RAP1A: variants seen among roughly 807,000 people sequenced by gnomAD.
The protein encoded by RAP1A is RAP1A, member of RAS oncogene family.
A neutral mutation model predicts 26.4 loss-of-function variants in RAP1A; 6 were observed. That is an observed-to-expected ratio of 0.23 (90% CI 0.12 to 0.45). The LOEUF (loss-of-function observed/expected upper bound fraction) is 0.45, where lower values mean the gene tolerates loss of function less well. Ranked by LOEUF, RAP1A falls within the 20% of genes least tolerant of loss-of-function variation. The pLI is 0.99. For synonymous variants in RAP1A, 73 were observed against 79.4 expected, an observed-to-expected ratio of 0.92 and a Z score of 0.43; for missense variants, 121 against 217.2, an observed-to-expected ratio of 0.56 and a Z score of 2.78.
At chr1:111,664,452 G>C (rs1350675150) in intron 1 of RAP1A, among the ~76,000 whole-genome samples, 1 of 148,268 alleles carries the variant, frequency 6.7e-6, no homozygotes, top group Non-Finnish European at 1.5e-5. Context: ...CCCTTTCACA[G>C]TAAATGCTCA....
chr1:111,629,809 T>C (rs1659514917), intron 1 of RAP1A, among the ~76,000 whole-genome samples: 1 of 152,214 alleles, frequency 6.6e-6, no homozygotes, highest in Admixed American at 6.5e-5. Flanking sequence ...AAATTTCATT[T>C]GCTAAAGGGA....
rs112396947 is a variant in RAP1A at position 111,619,794 on chromosome 1, C to A, written c.-168C>A. 47 of 398,094 alleles carry A rather than the reference C, an allele frequency of 1.2e-4. No individual in the cohort carries two copies. Among genetic ancestry groups the A allele is most frequent in the African/African-American group, 8.6e-4 (42 of 48,560 alleles). The allele number at this position is 398,094 out of a possible 1,614,324, so 24.7% of individuals were successfully genotyped here. On this transcript the variant is annotated 5_prime_UTR_variant, in exon 1 of 8. Transcript: ENST00000369709. ...CGCGTTCTGGAGGAGGCGCCGCCGC[C>A]GCTCCCGAGGCCCCTGCCGCCGCCG...
chr1:111,585,461 A>G (rs1247018299), intron 1 of RAP1A, among the ~76,000 whole-genome samples: 1 of 151,246 alleles, frequency 6.6e-6, no homozygotes, highest in Non-Finnish European at 1.5e-5. Flanking sequence ...GTAGATATTA[A>G]AGCTCTTTAT....
intron 1 of RAP1A, among the ~76,000 whole-genome samples, chr1:111,651,447 T>C (rs1030452085): frequency 1.3e-5 from 2 of 150,860 alleles, no homozygotes; most frequent in African/African-American, 4.8e-5. Context: ...TTATATTGCA[T>C]AATGCCTATG....
At chr1:111,676,864 A>T (rs904481960) in intron 1 of RAP1A, among the ~76,000 whole-genome samples, 2 of 150,918 alleles carry the variant, frequency 1.3e-5, no homozygotes, top group African/African-American at 4.9e-5. Context: ...TACAATCTCA[A>T]CTCACTGTAC....
chr1:111,689,507 A>G (rs1400936476), intron 1 of RAP1A, among the ~76,000 whole-genome samples: 1 of 137,734 alleles, frequency 7.3e-6, no homozygotes, highest in Non-Finnish European at 1.5e-5. Context: ...GTTTTTGAAT[A>G]CTGTAAGTTC....
At chr1:111,553,052 T>C (rs927488555) in intron 1 of RAP1A, among the ~76,000 whole-genome samples, 3 of 152,250 alleles carry the variant, frequency 2.0e-5, no homozygotes, top group Admixed American at 6.5e-5. Flanking sequence ...AAACACTTCA[T>C]ATTCAGATTG....
intron 1 of RAP1A, among the ~76,000 whole-genome samples, chr1:111,653,408 G>T (rs1294808359): frequency 6.6e-6 from 1 of 152,110 alleles, no homozygotes; most frequent in Non-Finnish European, 1.5e-5. Flanking sequence ...TGGGCCAGGC[G>T]CGGTGGCTCA....
chr1:111,675,930 A>C (rs1270869423), intron 1 of RAP1A, among the ~76,000 whole-genome samples: 4 of 152,206 alleles, frequency 2.6e-5, no homozygotes, highest in Non-Finnish European at 5.9e-5. Flanking sequence ...AATGAGAATC[A>C]AGTGAAACAG....
chr1:111,702,922 G>A (rs1168979466), intron 4 of RAP1A, among the ~76,000 whole-genome samples: 1 of 152,148 alleles, frequency 6.6e-6, no homozygotes, highest in African/African-American at 2.4e-5. Flanking sequence ...GCTATGCCAT[G>A]GGAATAGAAA....
intron 4 of RAP1A, among the ~76,000 whole-genome samples, chr1:111,700,953 A>T (rs192569036): frequency 6.2e-4 from 94 of 152,294 alleles, no homozygotes; most frequent in African/African-American, 2.2e-3. Context: ...GTCATCTCTC[A>T]GCTGGATTAT....
intron 1 of RAP1A, among the ~76,000 whole-genome samples, chr1:111,631,256 C>G (rs549200807): frequency 6.6e-6 from 1 of 152,152 alleles, no homozygotes; most frequent in Non-Finnish European, 1.5e-5. Context: ...TTTTGATTAG[C>G]TTTTACTTAT....
chr1:111,607,850 G>T, intron 1 of RAP1A, among the ~76,000 whole-genome samples: 1 of 118,740 alleles, frequency 8.4e-6, no homozygotes, highest in Non-Finnish European at 1.8e-5. Flanking sequence ...GGACGGGGCG[G>T]CTGGCCGGGC....
chr1:111,578,811 AG>A (rs1658194104), intron 1 of RAP1A, among the ~76,000 whole-genome samples: 2 of 152,278 alleles, frequency 1.3e-5, no homozygotes, highest in South Asian at 4.1e-4. Flanking sequence ...CTCACTTCAG[AG>A]GCCAATTGCA....
chr1:111,613,114 A>C (rs1002323682), intron 1 of RAP1A, among the ~76,000 whole-genome samples: 9 of 151,326 alleles, frequency 5.9e-5, no homozygotes, highest in African/African-American at 2.2e-4. Flanking sequence ...ACATCATAAG[A>C]TCAGTGGTAG....
intron 1 of RAP1A, among the ~76,000 whole-genome samples, chr1:111,551,367 G>A (rs7553961): frequency 0.085 from 12,854 of 152,090 alleles, 753 homozygotes; most frequent in Middle Eastern, 0.15. Flanking sequence ...TTTCTAGGGG[G>A]CCACTTTAAT....
At chr1:111,564,596 T>G (rs1311570196) in intron 1 of RAP1A, among the ~76,000 whole-genome samples, 1 of 145,542 alleles carries the variant, frequency 6.9e-6, no homozygotes, top group African/African-American at 2.6e-5. Context: ...CACTGCAAGC[T>G]CCACCTCCCG....
intron 1 of RAP1A, among the ~76,000 whole-genome samples, chr1:111,557,884 T>G (rs1454736492): frequency 1.3e-5 from 2 of 152,164 alleles, no homozygotes; most frequent in Admixed American, 1.3e-4. Context: ...TAAGCTTCCT[T>G]AAATTGTTAG....
chr1:111,557,674 GA>G (rs1277556329), intron 1 of RAP1A, among the ~76,000 whole-genome samples: 2 of 152,012 alleles, frequency 1.3e-5, no homozygotes, highest in Non-Finnish European at 2.9e-5. Flanking sequence ...AATGATATCA[GA>G]AAAAAGGTTT....
Sources: allele counts gnomAD v4.1 joint callset (sites outside exome capture counted in the v4.1 genomes callset), GRCh38; gene constraint gnomAD v4.1.1; transcripts MANE v1.5; gene names NCBI Gene and HGNC (gene_info 2026-07-23, HGNC 2026-07-21).